PHF6: variants seen among roughly 807,000 people sequenced by gnomAD.
The protein encoded by PHF6 is PHD-like zinc finger protein.
PHF6 carries 7 observed loss-of-function variants against 34.0 expected under a neutral mutation model. The observed-to-expected ratio is 0.21, with a 90% CI of 0.12 to 0.39. The LOEUF (loss-of-function observed/expected upper bound fraction) is 0.39. PHF6 is among the 10% of genes least tolerant of loss of function. The pLI, the probability that PHF6 is intolerant of heterozygous loss-of-function variation, is 1.00. For synonymous variants in PHF6, 89 were observed against 88.4 expected, an observed-to-expected ratio of 1.01 and a Z score of -0.04; for missense variants, 128 against 262.8, an observed-to-expected ratio of 0.49 and a Z score of 3.55.
intron 7 of PHF6, among the ~76,000 whole-genome samples, chrX:134,414,345 C>G (rs2077463590): frequency 9.0e-6 from 1 of 111,541 alleles, no homozygotes; most frequent in Non-Finnish European, 1.9e-5. Context: ...GTACTTAACA[C>G]TCTATATTAC....
At chrX:134,383,708 G>A (rs1170725744) in intron 3 of PHF6, among the ~76,000 whole-genome samples, 1 of 111,828 alleles carries the variant, frequency 8.9e-6, no homozygotes, top group Admixed American at 9.5e-5. Context: ...CATCTTACAT[G>A]TGAGGAAATT....
At chrX:134,406,761 G>A (rs2077426910) in intron 5 of PHF6, among the ~76,000 whole-genome samples, 1 of 112,034 alleles carries the variant, frequency 8.9e-6, no homozygotes, top group African/African-American at 3.2e-5. Flanking sequence ...TATCAGCCTG[G>A]ATTTTTAGAA....
chrX:134,414,954 A>T, intron 7 of PHF6, 62 bp from the exon 8 acceptor site: 1 of 905,016 alleles, frequency 1.1e-6, no homozygotes, highest in Non-Finnish European at 1.6e-6. Context: ...ACTTGTTATC[A>T]CATTTAATGT....
At chrX:134,374,315 A>G in intron 1 of PHF6, among the ~76,000 whole-genome samples, 1 of 112,175 alleles carries the variant, frequency 8.9e-6, no homozygotes. Context: ...TCTTATTTAT[A>G]CTGTTCAAAT....
chrX:134,419,904 A>C lies in PHF6; in HGVS notation c.968+2602A>C, dbSNP rs1349121935. The C allele has an allele frequency of 2.7e-5, 3 of 112,245 alleles. No homozygotes were observed. In the Admixed American group the frequency reaches 2.8e-4, roughly 11 times the overall value. The allele number at this position is 112,245 out of a possible 1,213,427, so 9.3% of individuals were successfully genotyped here. A position where few individuals can be genotyped will look rare whatever the true frequency, so the allele number is the denominator to read the frequency against. On this transcript the variant is annotated intron_variant, in intron 9 of 10. Coordinates refer to ENST00000370803, the MANE Select transcript of PHF6 (RefSeq NM_001015877.2). ...ATGCAAGACAAAAAGAAAGAGGCCC[A>C]GTGCATTGACTCACGTCTATAATCC...
chrX:134,396,155 ACAT>A, intron 5 of PHF6, among the ~76,000 whole-genome samples: 1 of 111,772 alleles, frequency 8.9e-6, no homozygotes, highest in Middle Eastern at 4.6e-3. Flanking sequence ...TGAAATAAGT[ACAT>A]CATGGAGAAT....
intron 5 of PHF6, among the ~76,000 whole-genome samples, chrX:134,405,450 C>T (rs1443640582): frequency 9.0e-6 from 1 of 111,703 alleles, no homozygotes; most frequent in African/African-American, 3.3e-5. Context: ...CTACCCACCT[C>T]AGCCTCTCAA....
intron 5 of PHF6, among the ~76,000 whole-genome samples, chrX:134,408,407 GAGTACTGT>G (rs769095500): frequency 8.9e-6 from 1 of 112,087 alleles, no homozygotes; most frequent in South Asian, 3.7e-4. Flanking sequence ...CACAGGGAAT[GAGTACTGT>G]CACGTGGCTT....
intron 9 of PHF6, among the ~76,000 whole-genome samples, chrX:134,423,010 C>A: frequency 8.9e-6 from 1 of 112,186 alleles, no homozygotes; most frequent in Non-Finnish European, 1.9e-5. Flanking sequence ...CAAGTTATTG[C>A]CACACTTGCT....
chrX:134,386,237 T>C lies in PHF6; in HGVS notation c.241-7264T>C, dbSNP rs775544868. Among the ~76,000 whole-genome samples, 28 of 111,250 alleles carry C rather than the reference T, an allele frequency of 2.5e-4. No homozygotes were observed. In the South Asian group the frequency reaches 3.8e-3, roughly 15 times the overall value. Reference sequence around the variant, plus strand: ...GTAGGGGCAAAATGGAATACCCACATTGTATAGAATGCTGCCACTTTGCTT... The same window carrying C: ...GTAGGGGCAAAATGGAATACCCACACTGTATAGAATGCTGCCACTTTGCTT... On this transcript the variant is annotated intron_variant, in intron 3 of 10. Transcript: ENST00000370803.
intron 3 of PHF6, 58 bp downstream of exon 3, chrX:134,378,164 A>T (rs1162903218): frequency 3.7e-6 from 3 of 804,119 alleles, no homozygotes; most frequent in Non-Finnish European, 3.7e-6. Context: ...TTAAAGAGGA[A>T]ATTGCTTATT....
intron 4 of PHF6, 91 bp downstream of exon 4, chrX:134,393,725 A>G: frequency 7.8e-6 from 7 of 897,128 alleles, no homozygotes; most frequent in South Asian, 6.7e-5. Context: ...AAAGCATTTC[A>G]TCATCATCAT....
intron 2 of PHF6, 95 bp from the exon 3 acceptor site, chrX:134,377,910 C>G: frequency 1.1e-6 from 1 of 910,949 alleles, no homozygotes; most frequent in Admixed American, 2.7e-5. Flanking sequence ...GCCATTTTTA[C>G]TAGAAAATTA....
intron 5 of PHF6, among the ~76,000 whole-genome samples, chrX:134,405,465 C>T (rs1294610948): frequency 1.8e-5 from 2 of 111,802 alleles, no homozygotes; most frequent in African/African-American, 3.3e-5. Context: ...TCTCAAAGTA[C>T]TGGGATTACA....
chrX:134,387,990 T>C (rs771888049), intron 3 of PHF6, among the ~76,000 whole-genome samples: 18 of 111,859 alleles, frequency 1.6e-4, no homozygotes, highest in Non-Finnish European at 3.2e-4. Context: ...CAAAATGCTG[T>C]ATTTTTAAAA....
intron 7 of PHF6, 83 bp downstream of exon 7, chrX:134,414,049 AT>A (rs959180714): frequency 1.2e-3 from 1,168 of 1,010,593 alleles, no homozygotes; most frequent in Non-Finnish European, 1.3e-3. Context: ...AGCCCAAATG[AT>A]TTTTTTTTTA....
At position 134,413,805 on chromosome X, in the gene PHF6, T is replaced by C. The variant is rs750961605; in HGVS notation, c.586-18T>C. 1.4e-5 allele frequency: 17 copies of C among 1,209,387 alleles called. No individual in the cohort carries two copies. Among genetic ancestry groups the C allele is most frequent in the South Asian group, 7.0e-5 (4 of 56,830 alleles). On this transcript the variant is annotated intron_variant, in intron 6 of 10. Transcript: ENST00000370803. ...TTCATGATTTTTTTTAAGTTCGTTTTTTCTTTTACATTTGCAGAGAGATAG... is the reference window on the plus strand; with the variant it reads ...TTCATGATTTTTTTTAAGTTCGTTTCTTCTTTTACATTTGCAGAGAGATAG...
At chrX:134,386,014 G>A (rs1001218635) in intron 3 of PHF6, among the ~76,000 whole-genome samples, 1 of 111,798 alleles carries the variant, frequency 8.9e-6, no homozygotes, top group Non-Finnish European at 1.9e-5. Flanking sequence ...GGAGAGCTGG[G>A]AAAGAGGATC....
chrX:134,406,583 G>A (rs1249017239), intron 5 of PHF6, among the ~76,000 whole-genome samples: 1 of 111,299 alleles, frequency 9.0e-6, no homozygotes, highest in Non-Finnish European at 1.9e-5. Flanking sequence ...GTCCTGGTAC[G>A]TTGGGCATTC....
Sources: allele counts gnomAD v4.1 joint callset (sites outside exome capture counted in the v4.1 genomes callset), GRCh38; gene constraint gnomAD v4.1.1; transcripts MANE v1.5; gene names NCBI Gene and HGNC (gene_info 2026-07-23, HGNC 2026-07-21).